The following NPNT variants were observed in gnomAD, a reference collection of about 807,000 sequenced individuals.
NPNT encodes nephronectin, also known as preosteoblast EGF-like repeat protein with MAM domain.
Under a neutral mutation model 68.6 loss-of-function variants are expected in NPNT, and 45 were observed. The observed-to-expected ratio is 0.66, with a 90% confidence interval of 0.52 to 0.84. NPNT has a LOEUF of 0.84. NPNT is among the 40% of genes least tolerant of loss of function. NPNT has a pLI of 0.00. For synonymous variants in NPNT, 233 were observed against 253.3 expected (o/e 0.92, Z 0.76); for missense variants, 672 against 714.8 (o/e 0.94, Z 0.68).
intron 8 of NPNT, among the ~76,000 whole-genome samples, chr4:105,953,666 C>G (rs1191963346): frequency 6.6e-6 from 1 of 152,188 alleles, no homozygotes; most frequent in African/African-American, 2.4e-5. Flanking sequence ...TCCCTACGCT[C>G]CAATCTGTGT....
At chr4:105,967,555 G>T (rs958827065) in intron 11 of NPNT, 111 bp downstream of exon 11, 5 of 1,187,566 alleles carry the variant, frequency 4.2e-6, no homozygotes, top group East Asian at 2.8e-5. Flanking sequence ...TCAGATAAAG[G>T]TTTGGGTTTT....
chr4:105,953,091 G>T (rs530728124), intron 8 of NPNT, among the ~76,000 whole-genome samples: 1 of 152,206 alleles, frequency 6.6e-6, no homozygotes, highest in East Asian at 1.9e-4. Context: ...GCTTGAACCC[G>T]GGAGGCAGAG....
intron 3 of NPNT, among the ~76,000 whole-genome samples, chr4:105,931,668 C>CAAAAAA (rs59960189): frequency 1.9e-4 from 19 of 99,934 alleles, no homozygotes; most frequent in African/African-American, 5.2e-4. Flanking sequence ...ACTAAAAATA[C>CAAAAAA]AAAAAAAAAA....
intron 8 of NPNT, among the ~76,000 whole-genome samples, chr4:105,957,841 G>GTCAC (rs1731365123): frequency 1.3e-5 from 2 of 152,124 alleles, no homozygotes; most frequent in Non-Finnish European, 2.9e-5. Flanking sequence ...GAGAGCATTG[G>GTCAC]GTCTGAGACG....
At chr4:105,905,983 T>C (rs987355210) in intron 2 of NPNT, among the ~76,000 whole-genome samples, 46 of 152,356 alleles carry the variant, frequency 3.0e-4, no homozygotes, top group African/African-American at 8.4e-4. Flanking sequence ...TATTTCTATT[T>C]GTTTATGCCC....
At chr4:105,963,573 C>T (rs1430752310) in intron 10 of NPNT, among the ~76,000 whole-genome samples, 2 of 151,954 alleles carry the variant, frequency 1.3e-5, no homozygotes, top group African/African-American at 4.8e-5. Flanking sequence ...TGCTGACAGA[C>T]ATGGTGATGC....
chr4:105,948,224 G>C (rs1730537173), intron 8 of NPNT, among the ~76,000 whole-genome samples: 1 of 152,036 alleles, frequency 6.6e-6, no homozygotes, highest in African/African-American at 2.4e-5. Context: ...GAAAAATAGT[G>C]AAAAGCATAG....
At position 105,959,114 on chromosome 4, in the gene NPNT, A is replaced by G; in HGVS notation, c.1333A>G (p.Arg445Gly). 6.2e-7 allele frequency: 1 copy of G among 1,609,018 alleles called. No individual in the cohort carries two copies. Among genetic ancestry groups the G allele is most frequent in the Non-Finnish European group, 8.5e-7 (1 of 1,175,394 alleles). ...KDNDLHWEPIRDPAGGQYLTV... is the reference protein window; with the variant it reads ...KDNDLHWEPIGDPAGGQYLTV... ...CAATGACTTGCACTGGGAACCAATCAGGGACCCAGCAGGTAAAACCATTTC... is the reference window on the plus strand; with the variant it reads ...CAATGACTTGCACTGGGAACCAATCGGGGACCCAGCAGGTAAAACCATTTC... The change falls in exon 10 of 12, where the codon AGG becomes GGG. Residue 445 changes from arginine (R) to glycine (G), a missense_variant. Physicochemically the swap from Arg to Gly is moderately radical, Grantham distance 125. Coordinates refer to ENST00000379987, the MANE Select transcript of NPNT (RefSeq NM_001033047.3).
At chr4:105,950,888 G>C (rs1055911179) in intron 8 of NPNT, among the ~76,000 whole-genome samples, 3 of 152,338 alleles carry the variant, frequency 2.0e-5, no homozygotes, top group African/African-American at 7.2e-5. Context: ...CACCGAAAGT[G>C]CTGCGATTAC....
intron 8 of NPNT, among the ~76,000 whole-genome samples, chr4:105,958,076 G>C (rs888320096): frequency 1.3e-5 from 2 of 152,060 alleles, no homozygotes; most frequent in Non-Finnish European, 2.9e-5. Flanking sequence ...TCCATCATAG[G>C]TATTTTCAGT....
At position 105,902,838 on chromosome 4, in the gene NPNT, G is replaced by T. The variant is rs1389496213; in HGVS notation, c.172+4837G>T. 2.0e-5 allele frequency: 3 copies of T among 152,110 alleles called. No homozygotes were observed. In the East Asian group the frequency reaches 5.8e-4, roughly 29 times the overall value. 9.4% of individuals were successfully genotyped at this position (152,110 alleles called of 1,614,324 possible). ...GTAGTCTTCAAAGTTAAGTTTCAGA[G>T]AAATTGCTTTGCTCTTTTATTCTTT... On this transcript the variant is annotated intron_variant, in intron 2 of 11. Coordinates refer to ENST00000379987, the MANE Select transcript of NPNT (RefSeq NM_001033047.3).
chr4:105,954,440 C>T (rs1731063109), intron 8 of NPNT, among the ~76,000 whole-genome samples: 1 of 152,006 alleles, frequency 6.6e-6, no homozygotes, highest in Non-Finnish European at 1.5e-5. Context: ...CCTATGACAC[C>T]CACTCTCACC....
rs544742614 is a variant in NPNT, at chr4:105,938,323, A to T, written c.408A>T (p.Ala136=). The T allele has an allele frequency of 6.7e-4, 1,087 of 1,613,738 alleles. 19 individuals are homozygous for T. In the South Asian group the frequency reaches 0.011, roughly 17 times the overall value. ...SCSSALTCSM[A]NCQYGCDVVK... ...CAGGTGCCCTGACCTGCTCCATGGC[A>T]AACTGTCAGTATGGCTGTGATGTTG... Residue 136 remains alanine (A), a synonymous_variant, in exon 5 of 12, where the codon GCA becomes GCT. Transcript: ENST00000379987.
At chr4:105,949,334 C>T (rs1164030866) in intron 8 of NPNT, among the ~76,000 whole-genome samples, 3 of 152,164 alleles carry the variant, frequency 2.0e-5, no homozygotes, top group Non-Finnish European at 2.9e-5. Context: ...AACTTTAGGT[C>T]AGGCTGGGCT....
chr4:105,915,438 A>C (rs1727730469), intron 2 of NPNT, among the ~76,000 whole-genome samples: 1 of 152,100 alleles, frequency 6.6e-6, no homozygotes, highest in African/African-American at 2.4e-5. Flanking sequence ...TGTTTTTGAG[A>C]AACTTACCTA....
At chr4:105,926,565 C>A (rs1210083969) in intron 2 of NPNT, among the ~76,000 whole-genome samples, 1 of 151,956 alleles carries the variant, frequency 6.6e-6, no homozygotes, top group Non-Finnish European at 1.5e-5. Flanking sequence ...TAAAAAGTGC[C>A]CCCCAGTTGA....
At chr4:105,921,027 A>G (rs909403949) in intron 2 of NPNT, among the ~76,000 whole-genome samples, 2 of 152,164 alleles carry the variant, frequency 1.3e-5, no homozygotes, top group Non-Finnish European at 2.9e-5. Context: ...CAACAGGGTA[A>G]TGAAATTATT....
rs146928028 is a variant in NPNT at position 105,954,740 on chromosome 4, C to A, written c.1160-3731C>A. ...TTCTCCAGAGCCATAGCTCATAGTA[C>A]TTCTTCTTATGTCATAGAGAAAGCA... On this transcript the variant is annotated intron_variant, in intron 8 of 11. Transcript: ENST00000379987. Among the ~76,000 whole-genome samples the A allele has an allele frequency of 1.6e-4, 25 of 152,268 alleles. No homozygotes were observed. The East Asian group carries it at 3.3e-3, about 20-fold the overall frequency.
intron 1 of NPNT, among the ~76,000 whole-genome samples, 160 bp from the exon 2 acceptor site, chr4:105,897,741 T>C (rs1365371573): frequency 6.6e-6 from 1 of 152,250 alleles, no homozygotes; most frequent in Admixed American, 6.5e-5. Flanking sequence ...AGCAGAACTA[T>C]TTCTGTGAAG....
Sources: gnomAD v4.1 joint callset for allele counts (sites outside exome capture counted in the v4.1 genomes callset) on GRCh38, gnomAD v4.1.1 for gene constraint, MANE v1.5 for transcripts, NCBI Gene and HGNC (gene_info 2026-07-23, HGNC 2026-07-21) for gene names.